The following GARIN2 variants were observed in gnomAD, a reference collection of about 807,000 sequenced individuals.
GARIN2 encodes the protein Golgi-associated RAB2 interactor protein 2.
chr14:67,228,486 T>C, the GARIN2 span: 3 of 174,634 alleles, frequency 1.7e-5, no homozygotes, highest in Admixed American at 1.3e-4. Flanking sequence ...AGACAATCAG[T>C]GCAAGAGGAA....
At chr14:67,208,081 C>G in the GARIN2 span, 1 of 1,395,324 alleles carries the variant, frequency 7.2e-7, no homozygotes, top group Non-Finnish European at 9.6e-7. Context: ...CTCCTTACTA[C>G]TCCTCACGGG....
chr14:67,209,661 T>C, the GARIN2 span, among the ~76,000 whole-genome samples: 2 of 150,034 alleles, frequency 1.3e-5, no homozygotes, highest in Non-Finnish European at 3.0e-5. Flanking sequence ...CTACTAAAAA[T>C]ACAAAAATTA....
At chr14:67,208,424 A>G in the GARIN2 span, 3 of 1,613,808 alleles carry the variant, frequency 1.9e-6, no homozygotes, top group Non-Finnish European at 2.5e-6. Context: ...TTTTCAGAGC[A>G]CAGCTCTCAA....
the GARIN2 span, chr14:67,224,658 C>A: frequency 3.1e-6 from 1 of 320,802 alleles, no homozygotes; most frequent in Non-Finnish European, 6.1e-6. Context: ...AAATTATGGG[C>A]TTATCTCTGA....
the GARIN2 span, among the ~76,000 whole-genome samples, chr14:67,195,320 T>C: frequency 6.6e-6 from 1 of 152,138 alleles, no homozygotes; most frequent in African/African-American, 2.4e-5. Flanking sequence ...CTCCTCCCTC[T>C]CTGTGTCCTG....
the GARIN2 span, among the ~76,000 whole-genome samples, chr14:67,218,073 G>C: frequency 6.6e-6 from 1 of 152,202 alleles, no homozygotes; most frequent in African/African-American, 2.4e-5. Flanking sequence ...CCTAGGCTTA[G>C]AGAGTTTGTG....
the GARIN2 span, among the ~76,000 whole-genome samples, chr14:67,191,399 A>G: frequency 6.6e-6 from 1 of 152,214 alleles, no homozygotes; most frequent in Non-Finnish European, 1.5e-5. Context: ...GTCAACAGGA[A>G]ACATTTGTAG....
chr14:67,193,328 CTCTATATAGATATCTA>C, the GARIN2 span, among the ~76,000 whole-genome samples: 7 of 134,622 alleles, frequency 5.2e-5, no homozygotes, highest in Non-Finnish European at 1.1e-4. Context: ...ATCTATATAT[CTCTATATAGATATCTA>C]TCTATATAGA....
chr14:67,213,664 C>A, the GARIN2 span, among the ~76,000 whole-genome samples: 306 of 152,138 alleles, frequency 2.0e-3, no homozygotes, highest in African/African-American at 6.9e-3. Flanking sequence ...ATTTATAGTC[C>A]TTTGGGTATA....
the GARIN2 span, among the ~76,000 whole-genome samples, chr14:67,213,946 G>T: frequency 1.3e-5 from 2 of 152,106 alleles, no homozygotes; most frequent in Non-Finnish European, 2.9e-5. Flanking sequence ...TGTGTTTTTT[G>T]GCTGCATAAA....
the GARIN2 span, among the ~76,000 whole-genome samples, chr14:67,205,778 T>C: frequency 1.1e-4 from 17 of 152,200 alleles, no homozygotes; most frequent in African/African-American, 3.9e-4. Flanking sequence ...CGAAGTCTCC[T>C]GTGTAAGGGA....
the GARIN2 span, among the ~76,000 whole-genome samples, chr14:67,223,303 A>G: frequency 1.3e-5 from 2 of 152,172 alleles, no homozygotes; most frequent in Non-Finnish European, 2.9e-5. Context: ...CCTGGCCCCC[A>G]TTGGGCTTTA....
the GARIN2 span, chr14:67,224,580 C>T: frequency 4.3e-6 from 1 of 230,994 alleles, no homozygotes; most frequent in Admixed American, 5.5e-5. Context: ...ACTTTCTTAG[C>T]TTTAAGTTTT....
At chr14:67,217,306 G>A in the GARIN2 span, among the ~76,000 whole-genome samples, 1 of 151,994 alleles carries the variant, frequency 6.6e-6, no homozygotes, top group Non-Finnish European at 1.5e-5. Flanking sequence ...CTTTACAGGT[G>A]AAGTAAGTTT....
the GARIN2 span, chr14:67,222,093 T>C: frequency 2.8e-6 from 1 of 360,242 alleles, no homozygotes. Flanking sequence ...ATCTAAATCA[T>C]CAAGCATAAA....
At chr14:67,203,814 C>A in the GARIN2 span, among the ~76,000 whole-genome samples, 1 of 152,274 alleles carries the variant, frequency 6.6e-6, no homozygotes, top group South Asian at 2.1e-4. Flanking sequence ...CCAGTTCAAG[C>A]GATTCTCCTG....
the GARIN2 span, among the ~76,000 whole-genome samples, chr14:67,217,618 G>A: frequency 6.6e-6 from 1 of 152,094 alleles, no homozygotes; most frequent in Non-Finnish European, 1.5e-5. Context: ...TTGCATGATG[G>A]TGGCTATCAT....
chr14:67,223,436 A>G, the GARIN2 span, among the ~76,000 whole-genome samples: 41 of 152,370 alleles, frequency 2.7e-4, no homozygotes, highest in African/African-American at 9.6e-4. Flanking sequence ...AGAGGAGGGC[A>G]TGATTCGCTG....
chr14:67,202,953 A>C, the GARIN2 span: 2 of 895,978 alleles, frequency 2.2e-6, no homozygotes, highest in Non-Finnish European at 3.3e-6. Context: ...TCCAAGAATT[A>C]GCATGAGCAA....
Sources: gnomAD v4.1 joint callset for allele counts (sites outside exome capture counted in the v4.1 genomes callset) on GRCh38, gnomAD v4.1.1 for gene constraint, MANE v1.5 for transcripts, NCBI Gene and HGNC (gene_info 2026-07-23, HGNC 2026-07-21) for gene names.